SGIP1: variants seen among roughly 807,000 people sequenced by gnomAD.
SGIP1 encodes SH3-containing GRB2-like protein 3-interacting protein 1.
A neutral mutation model predicts 107.5 loss-of-function variants in SGIP1; 38 were observed. That is an observed-to-expected ratio of 0.35 (90% confidence interval 0.27 to 0.46). The LOEUF is 0.46. Ranked by LOEUF, SGIP1 falls within the 20% of genes least tolerant of loss-of-function variation. The probability of loss-of-function intolerance (pLI) is 1.00; values close to 1 mark genes in which losing one functional copy is unlikely to be tolerated. For missense variants in SGIP1, 929 were observed against 1,019.5 expected, an observed-to-expected ratio of 0.91 and a Z score of 1.21; for synonymous variants, 365 against 366.1, an observed-to-expected ratio of 1.00 and a Z score of 0.03.
At chr1:66,567,429 A>G (rs1249317574) in intron 1 of SGIP1, among the ~76,000 whole-genome samples, 1 of 152,140 alleles carries the variant, frequency 6.6e-6, no homozygotes, top group Non-Finnish European at 1.5e-5. Flanking sequence ...GTAGATTGCA[A>G]AAATGCTCTC....
At chr1:66,700,951 A>G (rs2091817362) in intron 18 of SGIP1, among the ~76,000 whole-genome samples, 1 of 152,184 alleles carries the variant, frequency 6.6e-6, no homozygotes, top group African/African-American at 2.4e-5. Flanking sequence ...AAGGACCTTA[A>G]TCATTTACAT....
intron 19 of SGIP1, among the ~76,000 whole-genome samples, chr1:66,719,841 G>A (rs774847318): frequency 4.6e-5 from 7 of 152,028 alleles, no homozygotes; most frequent in Non-Finnish European, 7.4e-5. Context: ...ACTGGGATGA[G>A]AACATGAAAG....
intron 1 of SGIP1, among the ~76,000 whole-genome samples, chr1:66,587,763 T>C (rs2062864368): frequency 6.6e-6 from 1 of 152,114 alleles, no homozygotes; most frequent in Non-Finnish European, 1.5e-5. Context: ...TGCCTCTACC[T>C]TAAATAAGCC....
intron 18 of SGIP1, among the ~76,000 whole-genome samples, chr1:66,710,153 A>G (rs1335974512): frequency 1.3e-5 from 2 of 152,126 alleles, no homozygotes; most frequent in Non-Finnish European, 2.9e-5. Context: ...GCTATCATAA[A>G]AAGTAACTTT....
At chr1:66,681,246 G>T (rs1411725932) in intron 14 of SGIP1, among the ~76,000 whole-genome samples, 1 of 152,112 alleles carries the variant, frequency 6.6e-6, no homozygotes, top group East Asian at 1.9e-4. Flanking sequence ...TATCTTTGTG[G>T]TGATACCTTC....
chr1:66,653,774 A>G (rs922345437), intron 7 of SGIP1, among the ~76,000 whole-genome samples: 27 of 152,238 alleles, frequency 1.8e-4, no homozygotes, highest in African/African-American at 3.6e-4. Context: ...TGTTAATTGC[A>G]ATCAAAAAAC....
intron 1 of SGIP1, among the ~76,000 whole-genome samples, chr1:66,573,099 T>C (rs951199115): frequency 2.0e-5 from 3 of 152,078 alleles, no homozygotes; most frequent in Non-Finnish European, 2.9e-5. Flanking sequence ...GTAGGGTTTC[T>C]TCGTGGAGTG....
chr1:66,569,259 T>C (rs1284526634), intron 1 of SGIP1, among the ~76,000 whole-genome samples: 2 of 152,088 alleles, frequency 1.3e-5, no homozygotes, highest in East Asian at 1.9e-4. Context: ...TTTGGTGCAA[T>C]GTTGAAAGGG....
intron 18 of SGIP1, among the ~76,000 whole-genome samples, chr1:66,698,130 T>C (rs994818075): frequency 1.3e-5 from 2 of 152,218 alleles, no homozygotes; most frequent in African/African-American, 4.8e-5. Context: ...CAGTCAATGT[T>C]TGAGCTACTG....
At chr1:66,671,198 G>T (rs2083704533) in intron 10 of SGIP1, among the ~76,000 whole-genome samples, 179 bp downstream of exon 10, 1 of 152,186 alleles carries the variant, frequency 6.6e-6, no homozygotes, top group South Asian at 2.1e-4. Context: ...TGTGGGTTCT[G>T]AGTGATTAAT....
intron 18 of SGIP1, among the ~76,000 whole-genome samples, chr1:66,709,224 C>A: frequency 6.7e-6 from 1 of 148,530 alleles, no homozygotes; most frequent in Non-Finnish European, 1.5e-5. Context: ...TGTTCCCCTG[C>A]CTGTGTCCAT....
rs1442605440 is a variant in SGIP1, at chr1:66,659,944, GAAAGAA to G, written c.460-561_460-556del. Among the ~76,000 whole-genome samples the G allele has an allele frequency of 4.1e-3, 154 of 37,240 alleles. 7 individuals are homozygous for G. The highest frequency in any genetic ancestry group is 9.9e-3 in the South Asian group (4 of 404). 24.4% of individuals were successfully genotyped at this position (37,240 alleles called of 152,430 possible). ...AAAGAGAAAAAGAGAGAAAGAAAAA[GAAAGAA>G]AAAGAAAGAAAGAAAGAAAGAAAGA... On this transcript the variant is annotated intron_variant, in intron 7 of 24. Coordinates refer to ENST00000371037, the MANE Select transcript of SGIP1 (RefSeq NM_032291.4).
At position 66,750,449 on chromosome 1, in the gene SGIP1, T is replaced by C. The variant is rs1572536980; in HGVS notation, c.*7354T>C. Among the ~76,000 whole-genome samples the C allele has an allele frequency of 6.6e-6, 1 of 152,226 alleles. No homozygotes were observed. Among genetic ancestry groups the C allele is most frequent in the South Asian group, 2.1e-4 (1 of 4,836 alleles). ...AAATCCTGTCAATTAAGGAAAATGC[T>C]GTGTGTAATTTGATTTGGTGGTAGC... On this transcript the variant is annotated 3_prime_UTR_variant, in exon 25 of 25. Coordinates refer to ENST00000371037, the MANE Select transcript of SGIP1 (RefSeq NM_032291.4).
In SGIP1 at chr1:66,660,103, AGAAG is replaced by A. The variant is rs1423162896; in HGVS notation, c.460-394_460-391del. 25 of 63,858 alleles carry A rather than the reference AGAAG, an allele frequency of 3.9e-4. 4 individuals carry two copies. Among genetic ancestry groups the A allele is most frequent in the Admixed American group, 2.3e-3 (8 of 3,436 alleles). The allele number at this position is 63,858 out of a possible 1,614,324, so 4.0% of individuals were successfully genotyped here. A position where few individuals can be genotyped will look rare whatever the true frequency, so the allele number is the denominator to read the frequency against. ...AAGGAGGGAGGGAAGGAAGGAAGGA[AGAAG>A]GAAGGAAGGAAGGAAAGAAAGAAAG... On this transcript the variant is annotated intron_variant, in intron 7 of 24. Transcript: ENST00000371037.
At chr1:66,547,505 T>G (rs2056624228) in intron 1 of SGIP1, among the ~76,000 whole-genome samples, 1 of 152,122 alleles carries the variant, frequency 6.6e-6, no homozygotes, top group Non-Finnish European at 1.5e-5. Context: ...TTCTCTTGAG[T>G]TTCCTGCTAT....
intron 1 of SGIP1, among the ~76,000 whole-genome samples, chr1:66,559,075 G>A (rs1041828511): frequency 1.3e-5 from 2 of 152,064 alleles, no homozygotes; most frequent in Admixed American, 1.3e-4. Context: ...ACCCCGTACT[G>A]CTGGGCCCCT....
rs147542745 is a variant in SGIP1 at position 66,608,380 on chromosome 1, GTA to G, written c.11-17459_11-17458del. ...ATAATATTTCTAATCTGTAATATGT[GTA>G]TATATATTCTTGCTAATACATTTCT... On this transcript the variant is annotated intron_variant, in intron 1 of 24. Coordinates refer to ENST00000371037, the MANE Select transcript of SGIP1 (RefSeq NM_032291.4). 1.4e-3 allele frequency among the ~76,000 whole-genome samples: 208 copies of G among 152,216 alleles called. 6 individuals carry two copies. In the East Asian group the frequency reaches 0.036, roughly 26 times the overall value.
chr1:66,722,199 T>G (rs1350460116), intron 19 of SGIP1, among the ~76,000 whole-genome samples: 1 of 152,188 alleles, frequency 6.6e-6, no homozygotes, highest in Non-Finnish European at 1.5e-5. Context: ...CTTTCTGCCT[T>G]CGTGAAATCT....
At chr1:66,671,890 A>G (rs1003154692) in intron 10 of SGIP1, 54 bp from the exon 11 acceptor site, 2 of 1,508,056 alleles carry the variant, frequency 1.3e-6, no homozygotes, top group Non-Finnish European at 1.8e-6. Flanking sequence ...GTTATAAGAC[A>G]TATCAGGGAA....
Sources: allele counts gnomAD v4.1 joint callset (sites outside exome capture counted in the v4.1 genomes callset), GRCh38; gene constraint gnomAD v4.1.1; transcripts MANE v1.5; gene names NCBI Gene and HGNC (gene_info 2026-07-23, HGNC 2026-07-21).